IGFBP7: variants seen among roughly 807,000 people sequenced by gnomAD.
The protein encoded by IGFBP7 is insulin like growth factor binding protein 7.
In IGFBP7, 31 loss-of-function variants were observed where a neutral mutation model predicts 29.4. The observed-to-expected ratio is 1.05, with a 90% CI of 0.79 to 1.42. The LOEUF (loss-of-function observed/expected upper bound fraction) is 1.42. Among genes scored for constraint, IGFBP7 ranks in the 40% most tolerant of loss-of-function variants. The probability of loss-of-function intolerance (pLI) is 0.00; values close to 1 mark genes in which losing one functional copy is unlikely to be tolerated. For missense variants in IGFBP7, 393 were observed against 395.5 expected (o/e 0.99, Z 0.05); for synonymous variants, 172 against 174.9 (o/e 0.98, Z 0.13).
In IGFBP7 at chr4:57,101,948, T is replaced by C. The variant is rs185615803; in HGVS notation, c.475+7929A>G. ...AGTCTCCTTCCATTTCAAAGCTTTC[T>C]AATTGTGCCACTCCTAAATTTCAAA... On this transcript the variant is annotated intron_variant, in intron 1 of 4. Transcript: ENST00000295666. Among the ~76,000 whole-genome samples the C allele has an allele frequency of 4.6e-5, 7 of 152,334 alleles. No individual in the cohort carries two copies. In the East Asian group the frequency reaches 1.3e-3, roughly 29 times the overall value.
intron 1 of IGFBP7, among the ~76,000 whole-genome samples, chr4:57,058,385 G>A (rs1259661146): frequency 1.3e-5 from 2 of 152,076 alleles, no homozygotes; most frequent in African/African-American, 4.8e-5. Flanking sequence ...AAACAGCATG[G>A]TACTGGTACA....
At chr4:57,033,152 G>T in intron 3 of IGFBP7, 43 bp downstream of exon 3, 1 of 1,352,030 alleles carries the variant, frequency 7.4e-7, no homozygotes, top group African/African-American at 1.4e-5. Context: ...TATGTCTAAT[G>T]CTAAGAATGA....
intron 1 of IGFBP7, among the ~76,000 whole-genome samples, chr4:57,045,060 T>C (rs1014359312): frequency 6.6e-6 from 1 of 152,170 alleles, no homozygotes; most frequent in Non-Finnish European, 1.5e-5. Flanking sequence ...ATGACAGCCA[T>C]CGTCAGGGGA....
At chr4:57,092,983 T>A (rs1321693370) in intron 1 of IGFBP7, among the ~76,000 whole-genome samples, 1 of 152,124 alleles carries the variant, frequency 6.6e-6, no homozygotes, top group Non-Finnish European at 1.5e-5. Context: ...ATGGTTAGTA[T>A]GATCAAAATA....
At chr4:57,094,662 G>A (rs1467753938) in intron 1 of IGFBP7, among the ~76,000 whole-genome samples, 1 of 152,192 alleles carries the variant, frequency 6.6e-6, no homozygotes, top group Non-Finnish European at 1.5e-5. Flanking sequence ...ATACTGCTCT[G>A]TGCCCTGAAT....
intron 1 of IGFBP7, among the ~76,000 whole-genome samples, chr4:57,090,216 G>T (rs1349210017): frequency 6.6e-6 from 1 of 152,082 alleles, no homozygotes; most frequent in African/African-American, 2.4e-5. Context: ...ATATGTTGAG[G>T]GATTGATTCA....
At chr4:57,081,554 G>C (rs940537770) in intron 1 of IGFBP7, among the ~76,000 whole-genome samples, 4 of 152,004 alleles carry the variant, frequency 2.6e-5, no homozygotes, top group Admixed American at 2.6e-4. Flanking sequence ...CCTTCTATCA[G>C]GGCAGGGGGA....
At chr4:57,060,343 T>A (rs969865180) in intron 1 of IGFBP7, among the ~76,000 whole-genome samples, 2 of 152,140 alleles carry the variant, frequency 1.3e-5, no homozygotes, top group East Asian at 1.9e-4. Context: ...AAGTTACAAG[T>A]TTTCCTTTAG....
In IGFBP7 at chr4:57,030,953, T is replaced by G; in HGVS notation, c.*364A>C. ...CAAACTATTGTTTCAGGAACTTATG[T>G]CTATGAGTATTGCACCGCGAATGAT... On this transcript the variant is annotated 3_prime_UTR_variant, in exon 5 of 5. Transcript: ENST00000295666. The G allele has an allele frequency of 3.7e-6, 6 of 1,605,018 alleles. No homozygotes were observed. Among genetic ancestry groups the G allele is most frequent in the Non-Finnish European group, 5.1e-6 (6 of 1,171,652 alleles).
Position 57,068,809 on chromosome 4 carries a change from C to G in IGFBP7, c.476-27876G>C, listed in dbSNP as rs561535141. 6.6e-5 allele frequency among the ~76,000 whole-genome samples: 10 copies of G among 152,220 alleles called. No individual in the cohort carries two copies. In the East Asian group the frequency reaches 1.9e-3, roughly 29 times the overall value. Reference sequence around the variant, plus strand: ...GGACAGATTGTGTTTAAATTTAGAACATGGGCTCATGCCCTCAAAGTTGAC... The same window carrying G: ...GGACAGATTGTGTTTAAATTTAGAAGATGGGCTCATGCCCTCAAAGTTGAC... On this transcript the variant is annotated intron_variant, in intron 1 of 4. Transcript: ENST00000295666.
At chr4:57,083,720 T>A (rs2109788369) in intron 1 of IGFBP7, among the ~76,000 whole-genome samples, 1 of 152,346 alleles carries the variant, frequency 6.6e-6, no homozygotes, top group South Asian at 2.1e-4. Flanking sequence ...TAAAAACAAT[T>A]ATCTCATGAA....
chr4:57,065,505 A>T, intron 1 of IGFBP7: 1 of 152,222 alleles, frequency 6.6e-6, no homozygotes, highest in Admixed American at 6.5e-5. Context: ...CGCGTGGAGT[A>T]CTGAAAATGC....
At chr4:57,047,867 T>C (rs2109751268) in intron 1 of IGFBP7, among the ~76,000 whole-genome samples, 1 of 152,234 alleles carries the variant, frequency 6.6e-6, no homozygotes, top group East Asian at 1.9e-4. Flanking sequence ...CCCAAATAGC[T>C]AGGACTGCAG....
intron 1 of IGFBP7, among the ~76,000 whole-genome samples, chr4:57,095,693 G>T (rs1182231638): frequency 6.6e-6 from 1 of 152,156 alleles, no homozygotes. Context: ...ACGGAACACT[G>T]CTGTCAGTCT....
At chr4:57,060,211 A>G (rs968312063) in intron 1 of IGFBP7, among the ~76,000 whole-genome samples, 3 of 152,196 alleles carry the variant, frequency 2.0e-5, no homozygotes, top group Admixed American at 1.3e-4. Flanking sequence ...TCCCAGACAA[A>G]TGAGGTCTGG....
At chr4:57,088,672 C>T (rs535274072) in intron 1 of IGFBP7, among the ~76,000 whole-genome samples, 1 of 152,160 alleles carries the variant, frequency 6.6e-6, no homozygotes, top group Non-Finnish European at 1.5e-5. Flanking sequence ...TTAATACTCT[C>T]ACCAACCCTT....
chr4:57,042,588 T>C (rs1724256716), intron 1 of IGFBP7, among the ~76,000 whole-genome samples: 1 of 151,958 alleles, frequency 6.6e-6, no homozygotes, highest in South Asian at 2.1e-4. Flanking sequence ...GCTCAAGCGA[T>C]CCCCCCACCT....
intron 2 of IGFBP7, 103 bp from the exon 3 acceptor site, chr4:57,033,414 T>A: frequency 1.2e-6 from 1 of 804,344 alleles, no homozygotes; most frequent in Admixed American, 1.7e-5. Flanking sequence ...TCAGACTTTC[T>A]AACAGAGTAA....
At chr4:57,091,372 G>T (rs1725632242) in intron 1 of IGFBP7, among the ~76,000 whole-genome samples, 1 of 152,144 alleles carries the variant, frequency 6.6e-6, no homozygotes, top group Non-Finnish European at 1.5e-5. Flanking sequence ...GCTTCCTTTG[G>T]ATTGAAATGT....
Sources: gnomAD v4.1 joint callset for allele counts (sites outside exome capture counted in the v4.1 genomes callset) on GRCh38, gnomAD v4.1.1 for gene constraint, MANE v1.5 for transcripts, NCBI Gene and HGNC (gene_info 2026-07-23, HGNC 2026-07-21) for gene names.